The following ADAMTS3 variants were observed in gnomAD, a reference collection of about 807,000 sequenced individuals.
ADAMTS3 encodes ADAM metallopeptidase with thrombospondin type 1 motif 3.
Under a neutral mutation model 129.0 loss-of-function variants are expected in ADAMTS3, and 73 were observed. That is an observed-to-expected ratio of 0.57 (90% confidence interval 0.47 to 0.69). The LOEUF (loss-of-function observed/expected upper bound fraction) is 0.69. Ranked by LOEUF, ADAMTS3 falls within the 30% of genes least tolerant of loss-of-function variation. ADAMTS3 has a pLI of 0.00. For synonymous variants in ADAMTS3, 477 were observed against 510.8 expected (o/e 0.93, Z 0.89); for missense variants, 1,457 against 1,514.5 (o/e 0.96, Z 0.63).
chr4:72,373,479 C>T (rs1721063671), intron 4 of ADAMTS3, among the ~76,000 whole-genome samples: 1 of 152,148 alleles, frequency 6.6e-6, no homozygotes, highest in African/African-American at 2.4e-5. Flanking sequence ...TACCTACACA[C>T]AGGAATAAAT....
intron 4 of ADAMTS3, among the ~76,000 whole-genome samples, chr4:72,367,317 C>G (rs1214715690): frequency 6.6e-6 from 1 of 152,072 alleles, no homozygotes; most frequent in Non-Finnish European, 1.5e-5. Context: ...AGCTTACTAT[C>G]TATACTGCTT....
intron 4 of ADAMTS3, among the ~76,000 whole-genome samples, chr4:72,368,803 A>C (rs1293291222): frequency 6.6e-6 from 1 of 152,232 alleles, no homozygotes; most frequent in Non-Finnish European, 1.5e-5. Flanking sequence ...AGGACCTAGC[A>C]TTTACACAAT....
chr4:72,312,181 G>T, intron 13 of ADAMTS3, 110 bp downstream of exon 13: 1 of 1,223,606 alleles, frequency 8.2e-7, no homozygotes, highest in Non-Finnish European at 1.2e-6. Flanking sequence ...TAAGCACCAA[G>T]TTTCCTAAGT....
At chr4:72,386,376 T>C (rs549061647) in intron 4 of ADAMTS3, among the ~76,000 whole-genome samples, 45 of 152,206 alleles carry the variant, frequency 3.0e-4, no homozygotes, top group Non-Finnish European at 5.6e-4. Context: ...ACTCTAGCAA[T>C]ACTGAAGTTA....
intron 11 of ADAMTS3, among the ~76,000 whole-genome samples, chr4:72,314,742 C>A (rs1719344895): frequency 6.6e-6 from 1 of 152,096 alleles, no homozygotes; most frequent in Non-Finnish European, 1.5e-5. Flanking sequence ...ACATTGTATA[C>A]AAGGTGCTTT....
intron 3 of ADAMTS3, among the ~76,000 whole-genome samples, chr4:72,520,925 C>G (rs1428876497): frequency 6.6e-6 from 1 of 152,072 alleles, no homozygotes; most frequent in Admixed American, 6.5e-5. Flanking sequence ...AATCACCCGT[C>G]TTCTGCATCG....
chr4:72,346,493 A>T (rs537374827), intron 4 of ADAMTS3, among the ~76,000 whole-genome samples: 4 of 152,220 alleles, frequency 2.6e-5, no homozygotes, highest in African/African-American at 9.6e-5. Context: ...ATAGTCCTTC[A>T]TTTCCATAGT....
At chr4:72,529,635 A>G (rs1720908562) in intron 3 of ADAMTS3, among the ~76,000 whole-genome samples, 2 of 133,738 alleles carry the variant, frequency 1.5e-5, no homozygotes, top group Non-Finnish European at 1.5e-5. Flanking sequence ...ATATAATATT[A>G]TATATAATAC....
chr4:72,560,962 C>T (rs1192002406), intron 2 of ADAMTS3, among the ~76,000 whole-genome samples: 1 of 152,096 alleles, frequency 6.6e-6, no homozygotes, highest in Non-Finnish European at 1.5e-5. Context: ...CTTTAAACTA[C>T]TCAGTCAACA....
intron 3 of ADAMTS3, among the ~76,000 whole-genome samples, chr4:72,455,879 CTATATATATTTT>C (rs1718547897): frequency 9.4e-6 from 1 of 106,214 alleles, no homozygotes; most frequent in South Asian, 2.6e-4. Flanking sequence ...ACTGTATATA[CTATATATATTTT>C]ATATATAGTA....
At chr4:72,554,042 A>C (rs189775622) in intron 2 of ADAMTS3, among the ~76,000 whole-genome samples, 6 of 152,246 alleles carry the variant, frequency 3.9e-5, no homozygotes, top group Admixed American at 3.3e-4. Context: ...ATAATGTAAA[A>C]AAATTTTCTT....
In ADAMTS3 at chr4:72,311,186, A is replaced by G. The variant is rs1407346477; in HGVS notation, c.1922-5T>C. The G allele has an allele frequency of 1.2e-6, 2 of 1,606,922 alleles. No homozygotes were observed. The highest frequency in any genetic ancestry group is 1.7e-6 in the Non-Finnish European group (2 of 1,176,634). ...AAAGGTGGCATCTTTTCTTGGCTGC[A>G]TAAGATGGAGGATAAAATTAACTAT... On this transcript the variant is annotated splice_region_variant and splice_polypyrimidine_tract_variant and intron_variant, in intron 13 of 21. Coordinates refer to ENST00000286657, the MANE Select transcript of ADAMTS3 (RefSeq NM_014243.3).
chr4:72,490,063 G>A (rs1719699739), intron 3 of ADAMTS3, among the ~76,000 whole-genome samples: 1 of 151,874 alleles, frequency 6.6e-6, no homozygotes, highest in Non-Finnish European at 1.5e-5. Flanking sequence ...TTCAACAGGT[G>A]TGATGCGATA....
At chr4:72,446,121 A>G (rs1373216549) in intron 3 of ADAMTS3, among the ~76,000 whole-genome samples, 1 of 151,726 alleles carries the variant, frequency 6.6e-6, no homozygotes, top group East Asian at 2.0e-4. Context: ...CAATTGTCCT[A>G]CCTTGCATCC....
intron 16 of ADAMTS3, 39 bp downstream of exon 16, chr4:72,305,948 G>A: frequency 6.6e-7 from 1 of 1,516,684 alleles, no homozygotes; most frequent in East Asian, 2.3e-5. Flanking sequence ...CAATGTTTCA[G>A]TGCATGTTAA....
chr4:72,383,594 G>C (rs535690842), intron 4 of ADAMTS3, among the ~76,000 whole-genome samples: 7 of 152,122 alleles, frequency 4.6e-5, no homozygotes, highest in Non-Finnish European at 8.8e-5. Context: ...ATATGTGTTC[G>C]AGGCGGACTC....
At chr4:72,534,398 C>T (rs1243797568) in intron 3 of ADAMTS3, among the ~76,000 whole-genome samples, 4 of 152,018 alleles carry the variant, frequency 2.6e-5, no homozygotes, top group Admixed American at 6.5e-5. Flanking sequence ...TAATGATTTC[C>T]TAATTCTAGC....
intron 3 of ADAMTS3, among the ~76,000 whole-genome samples, chr4:72,470,025 A>C (rs1344344502): frequency 2.0e-5 from 3 of 152,142 alleles, no homozygotes; most frequent in African/African-American, 7.2e-5. Context: ...TTGGTTGCCC[A>C]ACCTCCGCAT....
intron 3 of ADAMTS3, among the ~76,000 whole-genome samples, chr4:72,455,922 T>C (rs1401575624): frequency 8.7e-6 from 1 of 115,248 alleles, no homozygotes; most frequent in African/African-American, 3.4e-5. Context: ...ATATATACTA[T>C]ATATATTTTA....
Sources: gnomAD v4.1 joint callset for allele counts (sites outside exome capture counted in the v4.1 genomes callset) on GRCh38, gnomAD v4.1.1 for gene constraint, MANE v1.5 for transcripts, NCBI Gene and HGNC (gene_info 2026-07-23, HGNC 2026-07-21) for gene names.